Variants in PPM1B observed in about 807,000 individuals in gnomAD.
PPM1B encodes protein phosphatase 1B.
Under a neutral mutation model 43.0 loss-of-function variants are expected in PPM1B, and 22 were observed. The ratio of observed to expected loss-of-function variants is 0.51; its 90% CI spans 0.37 to 0.73. The LOEUF (loss-of-function observed/expected upper bound fraction) is 0.73, where lower values mean the gene tolerates loss of function less well. Among genes scored for constraint, PPM1B ranks in the 30% least tolerant of loss-of-function variants. PPM1B has a pLI of 0.00. For synonymous variants in PPM1B, 217 were observed against 197.9 expected, an observed-to-expected ratio of 1.10 and a Z score of -0.81; for missense variants, 632 against 584.2, an observed-to-expected ratio of 1.08 and a Z score of -0.84.
At chr2:44,234,007 A>T, downstream of PPM1B, 1 of 984,800 alleles carries the variant, frequency 1.0e-6, no homozygotes, top group Non-Finnish European at 1.2e-6. Context: ...GATGTTTCAT[A>T]CAATGCAGTG....
intron 5 of PPM1B, among the ~76,000 whole-genome samples, chr2:44,224,977 A>G (rs1670147903): frequency 1.3e-5 from 2 of 152,204 alleles, no homozygotes; most frequent in South Asian, 2.1e-4. Context: ...GCCATAATGT[A>G]TTCAACAGAG....
chr2:44,169,605 A>G (rs146002456), intron 1 of PPM1B, among the ~76,000 whole-genome samples: 18 of 152,350 alleles, frequency 1.2e-4, no homozygotes, highest in African/African-American at 4.3e-4. Flanking sequence ...CTTTCACACG[A>G]AAGCACTGGG....
chr2:44,242,179 A>T (rs1670764691), intron 5 of PPM1B, among the ~76,000 whole-genome samples: 1 of 152,152 alleles, frequency 6.6e-6, no homozygotes, highest in Non-Finnish European at 1.5e-5. Context: ...TTAAATGTTA[A>T]CAAAACATTA....
At chr2:44,190,903 G>T (rs1173371618) in intron 1 of PPM1B, among the ~76,000 whole-genome samples, 1 of 151,204 alleles carries the variant, frequency 6.6e-6, no homozygotes, top group Non-Finnish European at 1.5e-5. Context: ...GACATGAACT[G>T]TTGTTATATC....
chr2:44,221,099 G>A (rs1669959999), intron 5 of PPM1B, among the ~76,000 whole-genome samples: 1 of 152,166 alleles, frequency 6.6e-6, no homozygotes, highest in South Asian at 2.1e-4. Flanking sequence ...ATTTTAATCT[G>A]TTAGAAACAT....
chr2:44,188,607 G>T (rs1402938705), intron 1 of PPM1B, among the ~76,000 whole-genome samples: 1 of 151,714 alleles, frequency 6.6e-6, no homozygotes, highest in African/African-American at 2.4e-5. Context: ...TGTTCCCTGG[G>T]CTGGTCTTCA....
At chr2:44,170,088 G>GA (rs1667255198) in intron 1 of PPM1B, among the ~76,000 whole-genome samples, 1 of 152,178 alleles carries the variant, frequency 6.6e-6, no homozygotes. Context: ...GTGAGTGTTG[G>GA]AAATAGTTAT....
intron 5 of PPM1B, among the ~76,000 whole-genome samples, chr2:44,239,982 A>G (rs1430416238): frequency 8.9e-6 from 1 of 112,336 alleles, no homozygotes; most frequent in Non-Finnish European, 2.1e-5. Flanking sequence ...GCAGGTATAC[A>G]TTGTCTTCAC....
At chr2:44,224,962 C>T (rs1670147237) in intron 5 of PPM1B, among the ~76,000 whole-genome samples, 2 of 152,044 alleles carry the variant, frequency 1.3e-5, no homozygotes, top group Non-Finnish European at 2.9e-5. Flanking sequence ...CAAAAAAGGT[C>T]ACTCGCCATA....
chr2:44,194,221 C>T (rs115829722), intron 1 of PPM1B, among the ~76,000 whole-genome samples: 312 of 151,820 alleles, frequency 2.1e-3, no homozygotes, highest in African/African-American at 7.3e-3. Flanking sequence ...TTGGATAGCT[C>T]CTCATATTTA....
At chr2:44,223,814 TAAAAAAAAAAAA>T (rs58530902) in intron 5 of PPM1B, among the ~76,000 whole-genome samples, 65 of 36,060 alleles carry the variant, frequency 1.8e-3, no homozygotes, top group South Asian at 2.3e-3. Flanking sequence ...GGACTCTGTC[TAAAAAAAAAAAA>T]AAAAAAAAAA....
At chr2:44,203,320 T>C (rs941482802) in intron 2 of PPM1B, among the ~76,000 whole-genome samples, 2 of 152,164 alleles carry the variant, frequency 1.3e-5, no homozygotes. Context: ...GAAGTATTGA[T>C]GGTTGTCAGT....
At chr2:44,198,930 T>G (rs964113773) in intron 1 of PPM1B, among the ~76,000 whole-genome samples, 1 of 152,150 alleles carries the variant, frequency 6.6e-6, no homozygotes. Context: ...AAAATTTCAT[T>G]ACAATCACAA....
intron 5 of PPM1B, chr2:44,230,005 A>T: frequency 6.3e-7 from 1 of 1,590,270 alleles, no homozygotes; most frequent in South Asian, 1.1e-5. Flanking sequence ...GAAATGATGA[A>T]GAAACTGTTC....
Position 44,201,733 on chromosome 2 carries a change from G to A in PPM1B, c.534G>A (p.Glu178=), listed in dbSNP as rs1218921738. Residue 178 remains glutamate, a synonymous_variant, in exon 2 of 6, where the codon GAG becomes GAA. Coordinates refer to ENST00000282412, the MANE Select transcript of PPM1B (RefSeq NM_002706.6). The surrounding 1 kb of genome is among the most constrained non-coding windows in gnomAD (Gnocchi z 5.4). ...AACCTTGCAATCCAAGGGAAAAGGA[G>A]CGAATCCAAAATGCAGGAGGCAGCG... ...DHKPCNPREK[E]RIQNAGGSVM... 1.2e-6 allele frequency: 2 copies of A among 1,614,102 alleles called. No homozygotes were observed. The highest frequency in any genetic ancestry group is 1.3e-5 in the African/African-American group (1 of 74,932).
chr2:44,232,591 G>A, downstream of PPM1B: 1 of 1,308,742 alleles, frequency 7.6e-7, no homozygotes, highest in South Asian at 2.0e-5. Flanking sequence ...CATCTGTATT[G>A]AACTTTCGGC....
chr2:44,195,351 A>G (rs1342582840), intron 1 of PPM1B, among the ~76,000 whole-genome samples: 1 of 152,002 alleles, frequency 6.6e-6, no homozygotes, highest in Non-Finnish European at 1.5e-5. Flanking sequence ...CTGCAGGCAT[A>G]CGCCACCATG....
At chr2:44,229,959 A>T (rs1169021672) in intron 5 of PPM1B, 1 of 1,504,458 alleles carries the variant, frequency 6.6e-7, no homozygotes, top group East Asian at 2.3e-5. Context: ...TTAAATCTAT[A>T]TAGTTTTATG....
At chr2:44,206,332 T>A (rs540329364) in intron 2 of PPM1B, among the ~76,000 whole-genome samples, 1 of 152,358 alleles carries the variant, frequency 6.6e-6, no homozygotes, top group Non-Finnish European at 1.5e-5. Context: ...ACCTTTTCTG[T>A]TGCTGTATAA....
Sources: gnomAD v4.1 joint callset for allele counts (sites outside exome capture counted in the v4.1 genomes callset) on GRCh38, gnomAD v4.1.1 for gene constraint, Gnocchi (gnomAD v3.1) non-coding constraint, MANE v1.5 for transcripts, NCBI Gene and HGNC (gene_info 2026-07-23, HGNC 2026-07-21) for gene names.